The following ZNF804B variants were observed in gnomAD, a reference collection of about 807,000 sequenced individuals.
The protein encoded by ZNF804B is zinc finger 804B.
ZNF804B carries 80 observed loss-of-function variants against 101.4 expected under a neutral mutation model. The observed-to-expected ratio is 0.79, with a 90% confidence interval of 0.66 to 0.95. The LOEUF is 0.95. Ranked by LOEUF, ZNF804B falls within the 40% of genes least tolerant of loss-of-function variation. The pLI is 0.00. For missense variants in ZNF804B, 1,673 were observed against 1,561.9 expected, an observed-to-expected ratio of 1.07 and a Z score of -1.20; for synonymous variants, 622 against 558.8, an observed-to-expected ratio of 1.11 and a Z score of -1.59.
At chr7:89,054,203 C>G (rs1789256210) in intron 1 of ZNF804B, among the ~76,000 whole-genome samples, 2 of 151,066 alleles carry the variant, frequency 1.3e-5, no homozygotes, top group African/African-American at 4.9e-5. Context: ...GGCATTTGCC[C>G]TGTATTTTAG....
chr7:88,970,126 T>C (rs920452494), intron 1 of ZNF804B, among the ~76,000 whole-genome samples: 2 of 151,568 alleles, frequency 1.3e-5, no homozygotes, highest in African/African-American at 4.8e-5. Flanking sequence ...AAAGCAGTAA[T>C]TGTGCAAAGT....
At chr7:88,872,447 C>CA (rs1554342247) in intron 1 of ZNF804B, among the ~76,000 whole-genome samples, 2 of 151,804 alleles carry the variant, frequency 1.3e-5, no homozygotes, top group African/African-American at 4.8e-5. Context: ...CATGATATTT[C>CA]TTTTTTTTCT....
chr7:89,082,645 A>C (rs1789712686), intron 1 of ZNF804B, among the ~76,000 whole-genome samples: 1 of 151,778 alleles, frequency 6.6e-6, no homozygotes, highest in African/African-American at 2.4e-5. Context: ...AGGTGGACTT[A>C]TTCCTGATTT....
chr7:89,279,328 T>C (rs1055495338), intron 2 of ZNF804B, among the ~76,000 whole-genome samples: 58 of 151,756 alleles, frequency 3.8e-4, no homozygotes, highest in Non-Finnish European at 2.9e-4. Flanking sequence ...CTTTTCCTAA[T>C]TGAATACCCT....
chr7:89,077,414 C>T (rs1274157562), intron 1 of ZNF804B, among the ~76,000 whole-genome samples: 2 of 151,922 alleles, frequency 1.3e-5, no homozygotes, highest in African/African-American at 4.8e-5. Context: ...ACAAAAATTA[C>T]ACATTTTTTA....
chr7:88,983,092 T>C (rs1293601059), intron 1 of ZNF804B, among the ~76,000 whole-genome samples: 7 of 152,032 alleles, frequency 4.6e-5, no homozygotes, highest in Non-Finnish European at 8.8e-5. Flanking sequence ...ATTTTCAACC[T>C]TAGGGATGCC....
chr7:89,038,151 C>T (rs1182324734), intron 1 of ZNF804B, among the ~76,000 whole-genome samples: 7 of 152,116 alleles, frequency 4.6e-5, no homozygotes, highest in African/African-American at 1.4e-4. Flanking sequence ...GTGCAGGTAT[C>T]CCCTTGATAT....
chr7:89,005,991 T>G (rs1439757132), intron 1 of ZNF804B, among the ~76,000 whole-genome samples: 1 of 152,148 alleles, frequency 6.6e-6, no homozygotes, highest in Non-Finnish European at 1.5e-5. Context: ...TGGATATCTA[T>G]GAACAATCTC....
chr7:89,082,234 T>C (rs1263464726), intron 1 of ZNF804B, among the ~76,000 whole-genome samples: 1 of 151,662 alleles, frequency 6.6e-6, no homozygotes, highest in Non-Finnish European at 1.5e-5. Flanking sequence ...CATCCTAAAT[T>C]ATATTAAAAT....
intron 1 of ZNF804B, among the ~76,000 whole-genome samples, chr7:89,210,407 T>G (rs1788784446): frequency 6.6e-6 from 1 of 152,150 alleles, no homozygotes; most frequent in African/African-American, 2.4e-5. Context: ...GGTAAACGTG[T>G]GCCATGGTGG....
chr7:88,956,348 G>A (rs1012144203), intron 1 of ZNF804B, among the ~76,000 whole-genome samples: 2 of 151,410 alleles, frequency 1.3e-5, no homozygotes, highest in Non-Finnish European at 3.0e-5. Context: ...TGTCCTAAGT[G>A]TCTTTTACAT....
intron 1 of ZNF804B, among the ~76,000 whole-genome samples, chr7:88,877,060 T>TGAAAAAAAAAA (rs1791964185): frequency 1.5e-5 from 1 of 68,234 alleles, no homozygotes; most frequent in East Asian, 3.8e-4. Flanking sequence ...TTTTTTTTTT[T>TGAAAAAAAAAA]TTTTTTTTTT....
At chr7:89,045,242 A>G (rs1789087366) in intron 1 of ZNF804B, among the ~76,000 whole-genome samples, 2 of 152,320 alleles carry the variant, frequency 1.3e-5, no homozygotes, top group Admixed American at 6.5e-5. Flanking sequence ...TAGATTTCAG[A>G]CGACGTATGG....
At chr7:89,133,686 G>A (rs989924318) in intron 1 of ZNF804B, among the ~76,000 whole-genome samples, 1 of 152,024 alleles carries the variant, frequency 6.6e-6, no homozygotes, top group African/African-American at 2.4e-5. Context: ...TCTATGCTTT[G>A]TAGCCTTAGA....
At chr7:88,798,099 G>C (rs1790519709) in intron 1 of ZNF804B, among the ~76,000 whole-genome samples, 1 of 151,822 alleles carries the variant, frequency 6.6e-6, no homozygotes. Flanking sequence ...TCAGAACCTT[G>C]ATGGCTTCCC....
chr7:89,000,994 T>C (rs1788278684), intron 1 of ZNF804B, among the ~76,000 whole-genome samples: 1 of 147,384 alleles, frequency 6.8e-6, no homozygotes, highest in Non-Finnish European at 1.5e-5. Flanking sequence ...GTACAATCTA[T>C]AATTATATAT....
At chr7:88,931,881 C>T (rs1792892310) in intron 1 of ZNF804B, among the ~76,000 whole-genome samples, 1 of 151,474 alleles carries the variant, frequency 6.6e-6, no homozygotes, top group African/African-American at 2.4e-5. Context: ...AATAAAAATA[C>T]AAAATTAGAC....
intron 1 of ZNF804B, among the ~76,000 whole-genome samples, chr7:88,874,503 C>G (rs1791891989): frequency 6.6e-6 from 1 of 152,036 alleles, no homozygotes; most frequent in South Asian, 2.1e-4. Context: ...ACTTCCAACA[C>G]TATGTTGAAT....
At chr7:89,212,036 G>A (rs931547194) in intron 1 of ZNF804B, among the ~76,000 whole-genome samples, 5 of 151,964 alleles carry the variant, frequency 3.3e-5, no homozygotes, top group Non-Finnish European at 7.4e-5. Flanking sequence ...GTGGTTTGTA[G>A]TCCTCCTTGA....
Sources: allele counts gnomAD v4.1 joint callset (sites outside exome capture counted in the v4.1 genomes callset), GRCh38; gene constraint gnomAD v4.1.1; transcripts MANE v1.5; gene names NCBI Gene and HGNC (gene_info 2026-07-23, HGNC 2026-07-21).